SARNP: variants seen among roughly 807,000 people sequenced by gnomAD.
The protein encoded by SARNP is SAP domain containing ribonucleoprotein.
SARNP carries 5 observed loss-of-function variants against 38.1 expected under a neutral mutation model. The ratio of observed to expected loss-of-function variants is 0.13; its 90% CI spans 0.07 to 0.28. The LOEUF (loss-of-function observed/expected upper bound fraction) is 0.28. Among genes scored for constraint, SARNP ranks in the 10% least tolerant of loss-of-function variants. SARNP has a pLI of 1.00. For synonymous variants in SARNP, 84 were observed against 80.6 expected, an observed-to-expected ratio of 1.04 and a Z score of -0.23; for missense variants, 180 against 243.9, an observed-to-expected ratio of 0.74 and a Z score of 1.75.
intron 9 of SARNP, among the ~76,000 whole-genome samples, chr12:55,770,303 G>A (rs1246912676): frequency 6.7e-6 from 1 of 149,792 alleles, no homozygotes; most frequent in African/African-American, 2.5e-5. Flanking sequence ...TCAGCTCACT[G>A]CAAGCTCCGC....
In SARNP at chr12:55,760,594, A is replaced by C; in HGVS notation, c.548T>G (p.Ile183Ser). ...TCCAGTTCCAGCTGAACTTGTGACA[A>C]TCCCAAATCGCTCCTTCCTCTTTTT... ...KLKKRKERFG[I>S]VTSSAGTGTT... is the part of the protein sequence containing the mutation. Residue 183 changes from isoleucine to serine, a missense_variant, in exon 10 of 11, where the codon ATT (isoleucine) becomes AGT (serine). Ile to Ser is a moderately radical substitution (Grantham distance 142, BLOSUM62 -2). Around this residue, in one of 2 missense-constraint regions of SARNP, gnomAD observed 19 missense variants for 49.8 expected, o/e 0.38. Coordinates refer to ENST00000336133, the MANE Select transcript of SARNP (RefSeq NM_033082.4). 1 of 1,613,542 alleles carries C rather than the reference A, an allele frequency of 6.2e-7. No homozygotes were observed. The highest frequency in any genetic ancestry group is 8.5e-7 in the Non-Finnish European group (1 of 1,179,552).
intron 6 of SARNP, 105 bp from the exon 7 acceptor site, chr12:55,794,492 G>T: frequency 1.0e-6 from 1 of 992,478 alleles, no homozygotes. Flanking sequence ...GTGATCTCAA[G>T]CCTTGCAATC....
At chr12:55,756,677 A>C (rs1347873283), downstream of SARNP, 1 of 152,244 alleles carries the variant, frequency 6.6e-6, no homozygotes, top group African/African-American at 2.4e-5. Context: ...CATGAACTTG[A>C]AGCCTCCAGT....
intron 1 of SARNP, among the ~76,000 whole-genome samples, chr12:55,815,281 A>T (rs1880448762): frequency 6.6e-6 from 1 of 152,128 alleles, no homozygotes; most frequent in Non-Finnish European, 1.5e-5. Context: ...GCTGGTCTCA[A>T]ACTCCTGGCC....
intron 1 of SARNP, among the ~76,000 whole-genome samples, chr12:55,804,856 C>T (rs747799099): frequency 6.6e-6 from 1 of 152,172 alleles, no homozygotes; most frequent in Non-Finnish European, 1.5e-5. Flanking sequence ...TCAGTAGAAG[C>T]TAGAAGGCAG....
rs532897870 is a variant in SARNP, at chr12:55,788,755, G to A, written c.501+320C>T. ...GTCAAGCCTGCAGTGAGCCGTGATC[G>A]CACCACTGCACTCCAGCCTGGGCAA... is the stretch of plus-strand genomic sequence containing the variant. On this transcript the variant is annotated intron_variant, in intron 9 of 10. Coordinates refer to ENST00000336133, the MANE Select transcript of SARNP (RefSeq NM_033082.4). Among the ~76,000 whole-genome samples the A allele has an allele frequency of 1.4e-4, 22 of 152,146 alleles. 1 individual carries two copies. The highest frequency in any genetic ancestry group is 3.9e-4 in the Admixed American group (6 of 15,276).
chr12:55,795,131 T>C (rs1457385754), intron 5 of SARNP, among the ~76,000 whole-genome samples: 1 of 152,048 alleles, frequency 6.6e-6, no homozygotes, highest in Non-Finnish European at 1.5e-5. Flanking sequence ...AGCTAATTTT[T>C]GTGCTTTTAG....
chr12:55,767,801 C>T (rs1279042927), intron 9 of SARNP, among the ~76,000 whole-genome samples: 1 of 139,450 alleles, frequency 7.2e-6, no homozygotes. Context: ...GAGCCGAGAT[C>T]GCGCCACTGC....
chr12:55,789,398 G>C (rs773799130), intron 8 of SARNP, among the ~76,000 whole-genome samples: 7 of 152,158 alleles, frequency 4.6e-5, no homozygotes, highest in Non-Finnish European at 8.8e-5. Context: ...TTAAGATCAA[G>C]GGAAGCCAAA....
chr12:55,759,669 G>A (rs1048508364), intron 10 of SARNP, among the ~76,000 whole-genome samples: 2 of 152,128 alleles, frequency 1.3e-5, no homozygotes, highest in Non-Finnish European at 2.9e-5. Context: ...TTGAACTCTC[G>A]ACCTCAGGTA....
chr12:55,812,574 A>C (rs1177254761), intron 1 of SARNP, among the ~76,000 whole-genome samples: 1 of 152,232 alleles, frequency 6.6e-6, no homozygotes, highest in Non-Finnish European at 1.5e-5. Context: ...GACATGTCCA[A>C]GTGGATGTCC....
chr12:55,757,674 G>C (rs1180345461), intron 10 of SARNP, 121 bp from the exon 11 acceptor site: 1 of 648,002 alleles, frequency 1.5e-6, no homozygotes, highest in Non-Finnish European at 2.6e-6. Flanking sequence ...GGATGGCCCA[G>C]ACTTGAGCTT....
intron 9 of SARNP, among the ~76,000 whole-genome samples, chr12:55,771,463 C>T (rs909357146): frequency 6.6e-6 from 1 of 152,158 alleles, no homozygotes; most frequent in African/African-American, 2.4e-5. Flanking sequence ...AGGCACTGTT[C>T]CTGGTCAAGT....
intron 9 of SARNP, among the ~76,000 whole-genome samples, chr12:55,776,399 C>T (rs774303007): frequency 6.6e-6 from 1 of 152,086 alleles, no homozygotes; most frequent in Non-Finnish European, 1.5e-5. Context: ...GGACACGGCA[C>T]TCTATAAGTG....
intron 9 of SARNP, among the ~76,000 whole-genome samples, chr12:55,779,722 C>A (rs1454025613): frequency 1.3e-5 from 2 of 152,142 alleles, no homozygotes; most frequent in Admixed American, 6.5e-5. Context: ...GTACAGTAGT[C>A]CCTCTTATAC....
intron 1 of SARNP, among the ~76,000 whole-genome samples, chr12:55,814,290 T>TA (rs1880418472): frequency 6.6e-6 from 1 of 152,216 alleles, no homozygotes. Flanking sequence ...CCCTACTTCT[T>TA]ACATGACAAA....
chr12:55,806,706 AT>A (rs2136204924), intron 1 of SARNP, among the ~76,000 whole-genome samples: 1 of 152,118 alleles, frequency 6.6e-6, no homozygotes, highest in African/African-American at 2.4e-5. Flanking sequence ...TGTCCAGCTA[AT>A]TTTTGTATTT....
At chr12:55,765,029 C>G (rs557071031) in intron 9 of SARNP, among the ~76,000 whole-genome samples, 3 of 152,078 alleles carry the variant, frequency 2.0e-5, no homozygotes, top group African/African-American at 7.2e-5. Context: ...GTCTCCCGGC[C>G]AAGTAGGAAA....
intron 7 of SARNP, among the ~76,000 whole-genome samples, chr12:55,792,183 A>AT (rs963848399): frequency 5.3e-5 from 8 of 150,892 alleles, no homozygotes; most frequent in South Asian, 2.1e-4. Flanking sequence ...CAGAAAAAAA[A>AT]TTTTTTTTTT....
Sources: gnomAD v4.1 joint callset for allele counts (sites outside exome capture counted in the v4.1 genomes callset) on GRCh38, gnomAD v4.1.1 for gene constraint, gnomAD v4.1.1 regional missense constraint, MANE v1.5 for transcripts, NCBI Gene and HGNC (gene_info 2026-07-23, HGNC 2026-07-21) for gene names.